The following MACROD2 variants were observed in gnomAD, a reference collection of about 807,000 sequenced individuals.
MACROD2 encodes mono-ADP ribosylhydrolase 2.
In MACROD2, 36 loss-of-function variants were observed where a neutral mutation model predicts 70.4. That is an observed-to-expected ratio of 0.51 (90% CI 0.39 to 0.68). The LOEUF is 0.68. MACROD2 is among the 30% of genes least tolerant of loss of function. The probability of loss-of-function intolerance (pLI) is 0.00; values close to 1 mark genes in which losing one functional copy is unlikely to be tolerated. For missense variants in MACROD2, 496 were observed against 538.4 expected (o/e 0.92, Z 0.78); for synonymous variants, 172 against 178.8 (o/e 0.96, Z 0.30).
At chr20:14,137,840 A>T (rs1483634356) in intron 3 of MACROD2, among the ~76,000 whole-genome samples, 1 of 152,228 alleles carries the variant, frequency 6.6e-6, no homozygotes, top group Non-Finnish European at 1.5e-5. Flanking sequence ...GTGAAAAGGC[A>T]ACCTATGGAT....
intron 9 of MACROD2, among the ~76,000 whole-genome samples, chr20:15,873,700 G>A (rs924024757): frequency 1.4e-4 from 22 of 151,926 alleles, no homozygotes; most frequent in Non-Finnish European, 3.1e-4. Context: ...AAGGAAGGAA[G>A]GAAGGAAGGA....
chr20:15,136,021 T>C (rs1256155094), intron 5 of MACROD2, among the ~76,000 whole-genome samples: 2 of 148,758 alleles, frequency 1.3e-5, no homozygotes, highest in African/African-American at 5.0e-5. Context: ...GAAGGACCTC[T>C]TCAAGGAGAA....
At chr20:15,142,252 T>C (rs770598092) in intron 5 of MACROD2, among the ~76,000 whole-genome samples, 1 of 152,164 alleles carries the variant, frequency 6.6e-6, no homozygotes, top group Non-Finnish European at 1.5e-5. Flanking sequence ...AATTCCAAGC[T>C]AAAAAATGTT....
intron 6 of MACROD2, among the ~76,000 whole-genome samples, chr20:15,364,545 C>T (rs1002523073): frequency 6.6e-6 from 1 of 152,188 alleles, no homozygotes; most frequent in Non-Finnish European, 1.5e-5. Context: ...TTTCCATAAA[C>T]CAGATCAAAG....
chr20:15,386,725 A>G (rs1185921482), intron 6 of MACROD2, among the ~76,000 whole-genome samples: 2 of 152,220 alleles, frequency 1.3e-5, no homozygotes, highest in Admixed American at 1.3e-4. Context: ...GGGTGGGCCT[A>G]ACACCCTATT....
chr20:16,028,387 T>A (rs1332808921), intron 15 of MACROD2, among the ~76,000 whole-genome samples: 1 of 71,098 alleles, frequency 1.4e-5, no homozygotes. Flanking sequence ...TGGTGGACAT[T>A]TTTTTTTTTT....
At chr20:14,854,438 A>G (rs753049799) in intron 5 of MACROD2, among the ~76,000 whole-genome samples, 3 of 152,154 alleles carry the variant, frequency 2.0e-5, no homozygotes, top group Non-Finnish European at 2.9e-5. Flanking sequence ...CTGGTAACTA[A>G]TAGACCTGGA....
At chr20:14,670,574 T>C (rs1001211657) in intron 4 of MACROD2, among the ~76,000 whole-genome samples, 5 of 152,136 alleles carry the variant, frequency 3.3e-5, no homozygotes, top group African/African-American at 1.2e-4. Context: ...AAATTTCTTA[T>C]CCAGAATGTC....
At chr20:14,911,638 G>T (rs1203110419) in intron 5 of MACROD2, among the ~76,000 whole-genome samples, 5 of 152,040 alleles carry the variant, frequency 3.3e-5, no homozygotes, top group Non-Finnish European at 7.4e-5. Flanking sequence ...TTCCCAAAAT[G>T]CTGGGATTGC....
chr20:14,300,565 C>G (rs932491832), intron 3 of MACROD2, among the ~76,000 whole-genome samples: 2 of 152,120 alleles, frequency 1.3e-5, no homozygotes, highest in Non-Finnish European at 2.9e-5. Context: ...TTCCATGTGC[C>G]TTTGAGTCTT....
chr20:14,513,289 C>T (rs2085051269), intron 4 of MACROD2, among the ~76,000 whole-genome samples: 1 of 152,164 alleles, frequency 6.6e-6, no homozygotes, highest in African/African-American at 2.4e-5. Context: ...GAGCAAATGC[C>T]TGTTTTGACA....
chr20:15,554,003 G>A (rs2048132192), intron 8 of MACROD2, among the ~76,000 whole-genome samples: 1 of 152,100 alleles, frequency 6.6e-6, no homozygotes, highest in Non-Finnish European at 1.5e-5. Flanking sequence ...TAGGAAGAAT[G>A]GATCAAAGCC....
intron 3 of MACROD2, among the ~76,000 whole-genome samples, chr20:14,313,982 G>A (rs921272850): frequency 6.6e-6 from 1 of 152,150 alleles, no homozygotes. Context: ...AATACCAAGA[G>A]TGGCTAATTC....
chr20:15,154,662 G>T (rs926694179), intron 5 of MACROD2, among the ~76,000 whole-genome samples: 2 of 152,196 alleles, frequency 1.3e-5, no homozygotes, highest in Non-Finnish European at 2.9e-5. Context: ...AAGGTGAGAA[G>T]AGAGTGAGAG....
intron 8 of MACROD2, among the ~76,000 whole-genome samples, chr20:15,843,706 CATA>C (rs1389505152): frequency 1.3e-5 from 2 of 152,080 alleles, no homozygotes; most frequent in African/African-American, 2.4e-5. Flanking sequence ...AAATCAATAT[CATA>C]ATAATTACAT....
chr20:14,836,002 C>T (rs979726620), intron 5 of MACROD2, among the ~76,000 whole-genome samples: 1 of 151,978 alleles, frequency 6.6e-6, no homozygotes, highest in Non-Finnish European at 1.5e-5. Flanking sequence ...TTTTTGATTC[C>T]TATTTTTGCT....
At chr20:14,215,516 G>A (rs1490560586) in intron 3 of MACROD2, among the ~76,000 whole-genome samples, 2 of 152,024 alleles carry the variant, frequency 1.3e-5, no homozygotes, top group African/African-American at 2.4e-5. Flanking sequence ...CCTCTGGGTA[G>A]GTACCCCCCC....
At chr20:14,429,617 T>G (rs1318133372) in intron 3 of MACROD2, among the ~76,000 whole-genome samples, 4 of 152,168 alleles carry the variant, frequency 2.6e-5, no homozygotes, top group Non-Finnish European at 4.4e-5. Flanking sequence ...TTTATAGCTG[T>G]GGATGGTTCT....
intron 3 of MACROD2, among the ~76,000 whole-genome samples, chr20:14,416,534 A>G (rs1181423686): frequency 6.6e-6 from 1 of 152,210 alleles, no homozygotes; most frequent in Non-Finnish European, 1.5e-5. Context: ...GGATGAAACC[A>G]TGATTTGATT....
Sources: gnomAD v4.1 joint callset for allele counts (sites outside exome capture counted in the v4.1 genomes callset) on GRCh38, gnomAD v4.1.1 for gene constraint, MANE v1.5 for transcripts, NCBI Gene and HGNC (gene_info 2026-07-23, HGNC 2026-07-21) for gene names.